ABCB9: variants seen among roughly 807,000 people sequenced by gnomAD.
The protein encoded by ABCB9 is ATP binding cassette subfamily B member 9, also known as ABC-type oligopeptide transporter ABCB9.
ABCB9 carries 36 observed loss-of-function variants against 62.0 expected under a neutral mutation model. That is an observed-to-expected ratio of 0.58 (90% confidence interval 0.45 to 0.77). The LOEUF is 0.77. Among genes scored for constraint, ABCB9 ranks in the 30% least tolerant of loss-of-function variants. The pLI is 0.00. For missense variants in ABCB9, 943 were observed against 1,054.7 expected, an observed-to-expected ratio of 0.89 and a Z score of 1.47; for synonymous variants, 435 against 461.4, an observed-to-expected ratio of 0.94 and a Z score of 0.73.
At chr12:122,927,683 G>A (rs184350625), downstream of ABCB9, among the ~76,000 whole-genome samples, 1 of 152,278 alleles carries the variant, frequency 6.6e-6, no homozygotes, top group African/African-American at 2.4e-5. Context: ...GAGGAGCTTA[G>A]ACTGGAACGG....
At chr12:122,924,977 CATG>C (rs2034851205), downstream of ABCB9, among the ~76,000 whole-genome samples, 1 of 152,176 alleles carries the variant, frequency 6.6e-6, no homozygotes, top group South Asian at 2.1e-4. Context: ...AGTGCAGTGG[CATG>C]ATACCAGCTC....
At chr12:122,963,333 G>A (rs1202058044) in intron 1 of ABCB9, among the ~76,000 whole-genome samples, 1 of 152,200 alleles carries the variant, frequency 6.6e-6, no homozygotes, top group Non-Finnish European at 1.5e-5. Context: ...AGGGTCCCCA[G>A]CAGAGGGCTG....
chr12:122,964,487 C>A lies in ABCB9; in HGVS notation c.-88+1800G>T, dbSNP rs2037070839. On this transcript the variant is annotated intron_variant, in intron 1 of 11. Transcript: ENST00000280560. This position sits in a 1 kb window ranked among gnomAD's most constrained non-coding sequence, Gnocchi z 4.7. The stretch of plus-strand genomic sequence containing the variant: ...GTGCTAGCACCTGGGTCCCTGCCCC[C>A]AAGCACTAGTCCTTCTACCACAGAC... Among the ~76,000 whole-genome samples the A allele has an allele frequency of 1.3e-5, 2 of 152,348 alleles. No homozygotes were observed. The highest frequency in any genetic ancestry group is 4.1e-4 in the South Asian group (2 of 4,828).
chr12:122,971,970 G>T (rs1401656868), intron 1 of ABCB9, among the ~76,000 whole-genome samples: 1 of 151,002 alleles, frequency 6.6e-6, no homozygotes, highest in African/African-American at 2.4e-5. Context: ...TGGTTAAAAT[G>T]GTAAATTTCG....
At position 122,930,988 on chromosome 12, in the gene ABCB9, G is replaced by A. The variant is rs548397331; in HGVS notation, c.2041-817C>T. Among the ~76,000 whole-genome samples the A allele has an allele frequency of 6.6e-6, 1 of 152,172 alleles. No homozygotes were observed. Among genetic ancestry groups the A allele is most frequent in the Non-Finnish European group, 1.5e-5 (1 of 68,036 alleles). ...CAGTTATAAACTGTAGGACGGAGCT[G>A]CTAATCCAGGTATCCCCATTCTGTT... On this transcript the variant is annotated intron_variant, in intron 11 of 11. Transcript: ENST00000280560. This position sits in a 1 kb window ranked among gnomAD's most constrained non-coding sequence, Gnocchi z 4.9.
At chr12:122,973,578 GAAAAAAAAA>G (rs57853191) in intron 1 of ABCB9, among the ~76,000 whole-genome samples, 81 of 50,326 alleles carry the variant, frequency 1.6e-3, no homozygotes, top group African/African-American at 5.0e-3. Context: ...CTCAAAAAAA[GAAAAAAAAA>G]AAAAAAAAAA....
At chr12:122,953,219 T>TC (rs2036451437) in intron 2 of ABCB9, 1 of 152,012 alleles carries the variant, frequency 6.6e-6, no homozygotes, top group South Asian at 2.1e-4. Context: ...ACATACATTT[T>TC]TTTTTTTTTT....
rs146132645 is a variant in ABCB9, at chr12:122,950,048, G to C, written c.717-130C>G. ...CCCACTCCAGGGCTGGCATCCCTGC[G>C]GGGTCCCCCTCATTCCCAGTGGGAG... On this transcript the variant is annotated intron_variant, in intron 3 of 11. Transcript: ENST00000280560. 4.1e-4 allele frequency: 523 copies of C among 1,288,078 alleles called. 1 individual carries two copies. The highest frequency in any genetic ancestry group is 5.4e-4 in the Non-Finnish European group (490 of 913,108). The allele number at this position is 1,288,078 out of a possible 1,614,324, so 79.8% of individuals were successfully genotyped here. A position where few individuals can be genotyped will look rare whatever the true frequency, so the allele number is the denominator to read the frequency against.
intron 1 of ABCB9, among the ~76,000 whole-genome samples, chr12:122,965,868 T>A (rs2037145225): frequency 6.6e-6 from 1 of 151,954 alleles, no homozygotes; most frequent in South Asian, 2.1e-4. Context: ...TTTGCCCAGG[T>A]CAGCAGGAAC....
intron 1 of ABCB9, among the ~76,000 whole-genome samples, chr12:122,963,709 G>A (rs181614230): frequency 6.6e-6 from 1 of 152,042 alleles, no homozygotes; most frequent in Non-Finnish European, 1.5e-5. Context: ...GATGCAGAGG[G>A]GGAATGGAGT....
At chr12:122,968,345 A>G (rs2037232166), upstream of ABCB9, among the ~76,000 whole-genome samples, 1 of 152,238 alleles carries the variant, frequency 6.6e-6, no homozygotes, top group Admixed American at 6.5e-5. Context: ...GAAATGGGGT[A>G]ATAAAGATAT....
Position 122,940,977 on chromosome 12 carries a change from T to C in ABCB9, c.1399A>G (p.Ser467Gly), listed in dbSNP as rs766583088. The change falls in exon 8 of 12, where the codon AGT (serine) becomes GGT (glycine). Residue 467 changes from serine to glycine, a missense_variant. Ser to Gly is a moderately conservative substitution (Grantham distance 56). Coordinates refer to ENST00000280560, the MANE Select transcript of ABCB9 (RefSeq NM_019625.4). The surrounding 1 kb of genome is among the most constrained non-coding windows in gnomAD (Gnocchi z 4.8). ...DCMESVGSVY[S>G]GLMQGVGAAE... ...GCCCCCACTCCCTGCATCAGGCCAC[T>C]GTAGACGGAGCCCACGGACTGGGGA... 52 of 1,608,000 alleles carry C rather than the reference T, an allele frequency of 3.2e-5. No individual in the cohort carries two copies. The highest frequency in any genetic ancestry group is 4.0e-5 in the Non-Finnish European group (47 of 1,175,880).
At chr12:122,934,623 A>G (rs2035362143) in intron 10 of ABCB9, among the ~76,000 whole-genome samples, 1 of 151,158 alleles carries the variant, frequency 6.6e-6, no homozygotes, top group African/African-American at 2.4e-5. Flanking sequence ...CCTGGGTGAC[A>G]GAGCAAGCCC....
Position 122,935,402 on chromosome 12 carries a change from C to T in ABCB9, c.1773G>A (p.Leu591=), listed in dbSNP as rs1030673914. The T allele has an allele frequency of 6.2e-7, 1 of 1,613,774 alleles. No individual in the cohort carries two copies. Among genetic ancestry groups the T allele is most frequent in the Non-Finnish European group, 8.5e-7 (1 of 1,179,950 alleles). The change falls in exon 10 of 12, where the codon CTG becomes CTA. Residue 591 remains leucine, a synonymous_variant. Coordinates refer to ENST00000280560, the MANE Select transcript of ABCB9 (RefSeq NM_019625.4). ...VISLVSQEPV[L]FARSITDNIS... ...TGTTATCCGTGATGGAGCGGGCGAA[C>T]AGCACGGGCTCCTGGCTCACCAGGG... is the stretch of plus-strand genomic sequence containing the variant.
chr12:122,950,301 G>A (rs1277855211), intron 3 of ABCB9, 150 bp downstream of exon 3: 9 of 730,936 alleles, frequency 1.2e-5, no homozygotes, highest in Non-Finnish European at 1.8e-5. Flanking sequence ...TGTGGAAGCC[G>A]GTTCCCAGGG....
downstream of ABCB9, among the ~76,000 whole-genome samples, chr12:122,925,709 C>A (rs964584282): frequency 2.6e-5 from 4 of 152,150 alleles, no homozygotes; most frequent in African/African-American, 4.8e-5. Context: ...GATTGCATCA[C>A]CGCACTCCAA....
chr12:122,966,320 G>A lies in ABCB9; in HGVS notation c.-121C>T, dbSNP rs11061056. ...TGGCACCAGGTGAGCTCTGGGAGGG[G>A]GCGCGCAGCAGGCTCGGGTCTGGGG... On this transcript the variant is annotated 5_prime_UTR_variant, in exon 1 of 12. Coordinates refer to ENST00000280560, the MANE Select transcript of ABCB9 (RefSeq NM_019625.4). 3,029 of 152,698 alleles carry A rather than the reference G, an allele frequency of 0.02. 51 individuals are homozygous for A. The highest frequency in any genetic ancestry group is 0.03 in the Non-Finnish European group (2,046 of 68,326). 9.5% of individuals were successfully genotyped at this position (152,698 alleles called of 1,614,324 possible).
rs570834589 is a variant in ABCB9, at chr12:122,944,602, A to G, written c.1252-83T>C. On this transcript the variant is annotated intron_variant, in intron 6 of 11. Coordinates refer to ENST00000280560, the MANE Select transcript of ABCB9 (RefSeq NM_019625.4). The surrounding 1 kb of genome is among the most constrained non-coding windows in gnomAD (Gnocchi z 4.9). ...CATTCCCTGACCCATCCCAGGCTGC[A>G]GGGGGAGGTGAGGGCAGACCCAGCC... 2 of 1,562,322 alleles carry G rather than the reference A, an allele frequency of 1.3e-6. No individual in the cohort carries two copies. Among genetic ancestry groups the G allele is most frequent in the South Asian group, 2.3e-5 (2 of 86,152 alleles).
At chr12:122,971,435 C>G (rs1323578232), upstream of ABCB9, among the ~76,000 whole-genome samples, 1 of 147,548 alleles carries the variant, frequency 6.8e-6, no homozygotes, top group Admixed American at 6.7e-5. Context: ...AACAAAAAAA[C>G]TATAGAATAT....
Sources: gnomAD v4.1 joint callset for allele counts (sites outside exome capture counted in the v4.1 genomes callset) on GRCh38, gnomAD v4.1.1 for gene constraint, Gnocchi (gnomAD v3.1) non-coding constraint, MANE v1.5 for transcripts, NCBI Gene and HGNC (gene_info 2026-07-23, HGNC 2026-07-21) for gene names.